Variants in TEX26 observed in about 807,000 individuals in gnomAD.
TEX26 encodes the protein testis expressed 26.
TEX26 carries 34 observed loss-of-function variants against 35.3 expected under a neutral mutation model. The ratio of observed to expected loss-of-function variants is 0.96; its 90% CI spans 0.73 to 1.28. TEX26 has a LOEUF of 1.28. Ranked by LOEUF, TEX26 falls within the 50% of genes most tolerant of loss-of-function variation. The pLI is 0.00. For synonymous variants in TEX26, 136 were observed against 111.8 expected (o/e 1.22, Z -1.36); for missense variants, 371 against 330.1 (o/e 1.12, Z -0.96).
At chr13:30,967,982 C>A (rs1319535021) in intron 5 of TEX26, among the ~76,000 whole-genome samples, 1 of 152,124 alleles carries the variant, frequency 6.6e-6, no homozygotes, top group Non-Finnish European at 1.5e-5. Context: ...AGGAGATGTC[C>A]TGAAAGAAGA....
chr13:30,956,308 T>C (rs549518173), intron 3 of TEX26, among the ~76,000 whole-genome samples: 75 of 151,912 alleles, frequency 4.9e-4, no homozygotes, highest in Non-Finnish European at 1.6e-4. Flanking sequence ...GAATGATGGT[T>C]TCCAGCTTCA....
At chr13:30,947,143 C>T (rs956623427) in intron 2 of TEX26, among the ~76,000 whole-genome samples, 9 of 152,034 alleles carry the variant, frequency 5.9e-5, no homozygotes, top group East Asian at 3.8e-4. Context: ...AGTACACAAT[C>T]GCTCAAAGCA....
chr13:30,932,877 C>T (rs549883201), intron 1 of TEX26, 101 bp downstream of exon 1: 4 of 1,353,292 alleles, frequency 3.0e-6, no homozygotes, highest in East Asian at 5.0e-5. Flanking sequence ...AAGGGTGTGG[C>T]ATCGCTCTTA....
intron 3 of TEX26, 80 bp from the exon 4 acceptor site, chr13:30,956,793 G>T (rs1954148751): frequency 7.7e-7 from 1 of 1,295,770 alleles, no homozygotes; most frequent in Non-Finnish European, 1.1e-6. Context: ...TGAAGAATAT[G>T]TGCACACAGA....
chr13:30,952,893 G>A, intron 3 of TEX26, 68 bp downstream of exon 3: 2 of 1,340,398 alleles, frequency 1.5e-6, no homozygotes, highest in Non-Finnish European at 2.1e-6. Context: ...AAGAATGAGA[G>A]TTTAAATATG....
At position 30,952,684 on chromosome 13, in the gene TEX26, A is replaced by C. The variant is rs533201895; in HGVS notation, c.171A>C (p.Gly57=). 2.5e-6 allele frequency: 4 copies of C among 1,606,032 alleles called. No homozygotes were observed. Among genetic ancestry groups the C allele is most frequent in the Non-Finnish European group, 3.4e-6 (4 of 1,177,372 alleles). The change falls in exon 3 of 7, where the codon GGA becomes GGC. Residue 57 remains glycine, a synonymous_variant. Transcript: ENST00000380473. The stretch of plus-strand genomic sequence containing the variant: ...GCCAAAACGGTATCAGAAGATTAGG[A>C]TATACATATTCACTTAGTGATCCTA... ...LIRQNGIRRL[G]YTYSLSDPIL...
At chr13:30,974,642 T>C (rs969476269) in intron 6 of TEX26, among the ~76,000 whole-genome samples, 1 of 152,228 alleles carries the variant, frequency 6.6e-6, no homozygotes, top group Non-Finnish European at 1.5e-5. Context: ...ATCCCTTGAG[T>C]ATTAAGTTTA....
At chr13:30,971,301 A>G (rs1954703488) in intron 6 of TEX26, among the ~76,000 whole-genome samples, 1 of 152,232 alleles carries the variant, frequency 6.6e-6, no homozygotes, top group Admixed American at 6.5e-5. Flanking sequence ...AGATAATTTA[A>G]GAACCTGGCA....
intron 4 of TEX26, among the ~76,000 whole-genome samples, chr13:30,961,523 C>T (rs1215970976): frequency 9.2e-6 from 1 of 108,282 alleles, no homozygotes; most frequent in Admixed American, 1.0e-4. Flanking sequence ...GCTACATCTA[C>T]ATTTGCTTTC....
At chr13:30,949,236 A>G (rs1029976407) in intron 2 of TEX26, among the ~76,000 whole-genome samples, 2 of 152,132 alleles carry the variant, frequency 1.3e-5, no homozygotes, top group African/African-American at 4.8e-5. Flanking sequence ...GTTCATATGG[A>G]ACCAAAAAAG....
intron 3 of TEX26, 58 bp from the exon 4 acceptor site, chr13:30,956,815 T>C: frequency 6.9e-7 from 1 of 1,451,276 alleles, no homozygotes; most frequent in South Asian, 1.2e-5. Context: ...ACTCAGATTA[T>C]TGATCCTATT....
At chr13:30,937,963 A>G (rs892883707) in intron 1 of TEX26, among the ~76,000 whole-genome samples, 5 of 152,252 alleles carry the variant, frequency 3.3e-5, no homozygotes, top group Admixed American at 6.5e-5. Flanking sequence ...TCCCTATGCT[A>G]AGCAGTAGCA....
chr13:30,974,857 A>T lies in TEX26; in HGVS notation c.820A>T (p.Ile274Phe). Residue 274 changes from isoleucine to phenylalanine, a missense_variant, in exon 7 of 7, where the codon ATT (isoleucine) becomes TTT (phenylalanine). Coordinates refer to ENST00000380473, the MANE Select transcript of TEX26 (RefSeq NM_152325.3). ...TTCATACTTTTCAGATAGACAAATT[A>T]TTGATCGCTTTATTCGTACTCACTG... ...QSLSYKDRQI[I>F]DRFIRTHCDT... The T allele has an allele frequency of 1.3e-6, 2 of 1,561,042 alleles. No individual in the cohort carries two copies. The highest frequency in any genetic ancestry group is 1.7e-6 in the Non-Finnish European group (2 of 1,158,650).
chr13:30,966,555 A>G lies in TEX26; in HGVS notation c.646+157A>G, dbSNP rs546589197. Among the ~76,000 whole-genome samples, 4 of 147,786 alleles carry G rather than the reference A, an allele frequency of 2.7e-5. No homozygotes were observed. The East Asian group carries it at 8.0e-4, about 30-fold the overall frequency. ...TGGGTTCAAGCGATTCTCCTGCCTC[A>G]GCCTCCCGAGTAGCTAGGATTACAG... On this transcript the variant is annotated intron_variant, in intron 5 of 6. Coordinates refer to ENST00000380473, the MANE Select transcript of TEX26 (RefSeq NM_152325.3).
intron 1 of TEX26, chr13:30,937,096 G>T: frequency 1.6e-6 from 1 of 628,180 alleles, no homozygotes; most frequent in Non-Finnish European, 2.0e-6. Context: ...ATTAGGGAGT[G>T]GAGGGTGTGC....
chr13:30,964,781 C>G (rs7992058), intron 4 of TEX26, among the ~76,000 whole-genome samples: 7,590 of 152,130 alleles, frequency 0.05, 628 homozygotes, highest in African/African-American at 0.17. Flanking sequence ...AGGACAAGAG[C>G]GTGAAAGTGA....
chr13:30,936,171 G>A (rs905385010), intron 1 of TEX26, among the ~76,000 whole-genome samples: 5 of 152,138 alleles, frequency 3.3e-5, no homozygotes, highest in Non-Finnish European at 7.4e-5. Flanking sequence ...TCAAAACAAA[G>A]TGAGGGAATA....
intron 4 of TEX26, among the ~76,000 whole-genome samples, chr13:30,958,997 G>A (rs1431920354): frequency 6.6e-6 from 1 of 152,158 alleles, no homozygotes; most frequent in African/African-American, 2.4e-5. Flanking sequence ...ACTCAGTGTG[G>A]TTAAGCAACA....
intron 2 of TEX26, among the ~76,000 whole-genome samples, chr13:30,940,576 G>A (rs1358641620): frequency 1.2e-4 from 18 of 151,838 alleles, no homozygotes; most frequent in Admixed American, 1.1e-3. Flanking sequence ...CTTGTGATCC[G>A]CCCGCCTCGG....
Sources: allele counts gnomAD v4.1 joint callset (sites outside exome capture counted in the v4.1 genomes callset), GRCh38; gene constraint gnomAD v4.1.1; transcripts MANE v1.5; gene names NCBI Gene and HGNC (gene_info 2026-07-23, HGNC 2026-07-21).